NRCAM: variants seen among roughly 807,000 people sequenced by gnomAD.
The protein encoded by NRCAM is NgCAM-related cell adhesion molecule.
Under a neutral mutation model 156.5 loss-of-function variants are expected in NRCAM, and 83 were observed. The ratio of observed to expected loss-of-function variants is 0.53; its 90% confidence interval spans 0.44 to 0.64. The LOEUF (loss-of-function observed/expected upper bound fraction) is 0.64. Ranked by LOEUF, NRCAM falls within the 30% of genes least tolerant of loss-of-function variation. NRCAM has a pLI of 0.00. For missense variants in NRCAM, 1,417 were observed against 1,597.3 expected, an observed-to-expected ratio of 0.89 and a Z score of 1.92; for synonymous variants, 538 against 563.9, an observed-to-expected ratio of 0.95 and a Z score of 0.65.
At chr7:108,321,805 T>C (rs533369870) in intron 2 of NRCAM, among the ~76,000 whole-genome samples, 1 of 152,376 alleles carries the variant, frequency 6.6e-6, no homozygotes, top group African/African-American at 2.4e-5. Flanking sequence ...ACAAAATCTT[T>C]CAAAAGTTTC....
chr7:108,342,615 T>C (rs1005944166), intron 2 of NRCAM, among the ~76,000 whole-genome samples: 5 of 152,176 alleles, frequency 3.3e-5, no homozygotes, highest in Non-Finnish European at 7.3e-5. Flanking sequence ...GGCAAGACTT[T>C]CCTTTATATG....
intron 11 of NRCAM, among the ~76,000 whole-genome samples, chr7:108,219,898 A>G (rs1328501850): frequency 6.6e-6 from 1 of 152,202 alleles, no homozygotes; most frequent in Non-Finnish European, 1.5e-5. Flanking sequence ...ATTCGTAAAG[A>G]GGAAGTCAAA....
chr7:108,203,088 G>C (rs2079072506), intron 13 of NRCAM, among the ~76,000 whole-genome samples: 1 of 152,166 alleles, frequency 6.6e-6, no homozygotes, highest in Admixed American at 6.5e-5. Context: ...TGGCTTTGAA[G>C]TCCTGAAAAG....
chr7:108,402,594 T>C (rs1859776), intron 1 of NRCAM, among the ~76,000 whole-genome samples: 134,830 of 152,212 alleles, frequency 0.89, 59,804 homozygotes, highest in South Asian at 0.93. Flanking sequence ...TGGCCCATTC[T>C]ATTTTTAGGA....
At chr7:108,318,816 G>C (rs1040090231) in intron 2 of NRCAM, among the ~76,000 whole-genome samples, 5 of 152,204 alleles carry the variant, frequency 3.3e-5, no homozygotes, top group Non-Finnish European at 7.3e-5. Context: ...ACAGCCTCCA[G>C]ATGAGGTTGC....
At chr7:108,210,436 TG>T (rs1459278018) in intron 11 of NRCAM, among the ~76,000 whole-genome samples, 1 of 152,068 alleles carries the variant, frequency 6.6e-6, no homozygotes, top group African/African-American at 2.4e-5. Flanking sequence ...TTAGTAGAGA[TG>T]GGGTTTCATT....
intron 3 of NRCAM, among the ~76,000 whole-genome samples, chr7:108,270,858 G>A (rs2097316961): frequency 6.6e-6 from 1 of 152,170 alleles, no homozygotes; most frequent in Non-Finnish European, 1.5e-5. Flanking sequence ...TGCTTGCCAG[G>A]GGCTGGAAGA....
chr7:108,391,861 C>A (rs1051996391), intron 2 of NRCAM, among the ~76,000 whole-genome samples: 1 of 152,122 alleles, frequency 6.6e-6, no homozygotes, highest in Admixed American at 6.6e-5. Flanking sequence ...TATGAAATTC[C>A]GGGTTGAAAA....
At chr7:108,285,045 C>T (rs1423776281) in intron 3 of NRCAM, among the ~76,000 whole-genome samples, 7 of 152,204 alleles carry the variant, frequency 4.6e-5, no homozygotes, top group African/African-American at 1.4e-4. Context: ...GATGCTATTA[C>T]GAAAAGTCAG....
At chr7:108,428,909 T>C (rs17338021) in intron 1 of NRCAM, among the ~76,000 whole-genome samples, 5,169 of 148,140 alleles carry the variant, frequency 0.035, 125 homozygotes, top group Non-Finnish European at 0.056. Context: ...TTTTGGAATT[T>C]TGACATGCCA....
At chr7:108,260,971 T>G (rs531469263) in intron 3 of NRCAM, among the ~76,000 whole-genome samples, 5 of 152,110 alleles carry the variant, frequency 3.3e-5, no homozygotes, top group Non-Finnish European at 7.4e-5. Context: ...GTTGATTGCA[T>G]AGAGGCATCT....
At chr7:108,420,422 T>C (rs903868645) in intron 1 of NRCAM, among the ~76,000 whole-genome samples, 1 of 152,182 alleles carries the variant, frequency 6.6e-6, no homozygotes, top group South Asian at 2.1e-4. Flanking sequence ...CTTACCAATA[T>C]ATGAATTGCT....
chr7:108,325,275 G>A (rs1003788716), intron 2 of NRCAM, among the ~76,000 whole-genome samples: 10 of 152,056 alleles, frequency 6.6e-5, no homozygotes, highest in Admixed American at 5.9e-4. Flanking sequence ...CATGACTTGG[G>A]TCATCTTATT....
intron 3 of NRCAM, among the ~76,000 whole-genome samples, chr7:108,296,750 A>C (rs927259598): frequency 3.9e-5 from 6 of 152,182 alleles, no homozygotes; most frequent in Non-Finnish European, 7.4e-5. Flanking sequence ...GGCCATTAGG[A>C]ACATTGTTCT....
chr7:108,178,271 C>A, intron 25 of NRCAM, 159 bp from the exon 26 acceptor site: 4 of 614,724 alleles, frequency 6.5e-6, no homozygotes, highest in Non-Finnish European at 1.1e-5. Flanking sequence ...TGACAGGCAC[C>A]CATTTAGTTA....
intron 3 of NRCAM, among the ~76,000 whole-genome samples, chr7:108,287,024 T>C (rs2098124090): frequency 6.6e-6 from 1 of 152,128 alleles, no homozygotes. Flanking sequence ...ATTCAATAAA[T>C]AGTGCTTGAA....
At chr7:108,366,089 G>A (rs2099590057) in intron 2 of NRCAM, among the ~76,000 whole-genome samples, 1 of 152,178 alleles carries the variant, frequency 6.6e-6, no homozygotes, top group South Asian at 2.1e-4. Flanking sequence ...TGAGGACACA[G>A]GGTTCAAGGT....
chr7:108,154,313 T>C lies in NRCAM; in HGVS notation c.3678-4166A>G, dbSNP rs111759764. ...TGTCATATTTTTATGCTATCATAAC[T>C]AGAATAAGTTTTAAAGTCTTATTTT... is the stretch of plus-strand genomic sequence containing the variant. On this transcript the variant is annotated intron_variant, in intron 32 of 32. Transcript: ENST00000379028. Among the ~76,000 whole-genome samples, 1,163 of 152,288 alleles carry C rather than the reference T, an allele frequency of 7.6e-3. 23 individuals are homozygous for C. Among genetic ancestry groups the C allele is most frequent in the African/African-American group, 0.026 (1,098 of 41,566 alleles).
chr7:108,180,444 G>C lies in NRCAM; in HGVS notation c.2647-17C>G. On this transcript the variant is annotated splice_polypyrimidine_tract_variant and intron_variant, in intron 24 of 32. Coordinates refer to ENST00000379028, the MANE Select transcript of NRCAM (RefSeq NM_001037132.4). ...ATAGTAAATCTGAAACAGCAAGAAC[G>C]AAAGTCAGGAATGCAGAAAGGAGCA... 1 of 1,596,548 alleles carries C rather than the reference G, an allele frequency of 6.3e-7. No homozygotes were observed. Among genetic ancestry groups the C allele is most frequent in the South Asian group, 1.1e-5 (1 of 90,618 alleles).
Sources: allele counts gnomAD v4.1 joint callset (sites outside exome capture counted in the v4.1 genomes callset), GRCh38; gene constraint gnomAD v4.1.1; transcripts MANE v1.5; gene names NCBI Gene and HGNC (gene_info 2026-07-23, HGNC 2026-07-21).